Variants in PCDHA1 observed in about 807,000 individuals in gnomAD.
The protein encoded by PCDHA1 is protocadherin alpha-1.
Under a neutral mutation model 61.3 loss-of-function variants are expected in PCDHA1, and 42 were observed. The ratio of observed to expected loss-of-function variants is 0.69; its 90% CI spans 0.54 to 0.89. The LOEUF is 0.89. Ranked by LOEUF, PCDHA1 falls within the 40% of genes least tolerant of loss-of-function variation. The pLI is 0.00. For synonymous variants in PCDHA1, 610 were observed against 553.8 expected (o/e 1.10, Z -1.43); for missense variants, 1,256 against 1,235.3 (o/e 1.02, Z -0.25).
intron 1 of PCDHA1, among the ~76,000 whole-genome samples, chr5:140,911,118 G>A (rs11955654): frequency 0.019 from 2,929 of 152,274 alleles, 39 homozygotes; most frequent in East Asian, 0.055. Flanking sequence ...AGCCATCACT[G>A]TTGCCTCAGG....
At chr5:140,857,215 G>A in intron 1 of PCDHA1, 1 of 1,598,474 alleles carries the variant, frequency 6.3e-7, no homozygotes. Flanking sequence ...GCTCTCTGAC[G>A]CCTCACGTTC....
chr5:140,860,512 T>A (rs1379513509), intron 1 of PCDHA1: 3 of 152,166 alleles, frequency 2.0e-5, no homozygotes, highest in African/African-American at 7.2e-5. Context: ...AAGATAAAAC[T>A]CTTCATGGAA....
At chr5:140,984,453 T>C (rs2097104309) in intron 3 of PCDHA1, among the ~76,000 whole-genome samples, 1 of 152,254 alleles carries the variant, frequency 6.6e-6, no homozygotes, top group South Asian at 2.1e-4. Flanking sequence ...CCTTTCTTAC[T>C]GTCCCAGCCC....
rs2150467909 is a variant in PCDHA1, at chr5:140,850,110, G to A, written c.2394+61426G>A. The A allele has an allele frequency of 3.1e-6, 5 of 1,596,146 alleles. No individual in the cohort carries two copies. The East Asian group carries it at 8.9e-5, about 28-fold the overall frequency. Reference sequence around the variant, plus strand: ...GCTACAGTTCCAGGTGAGCGCGCGCGACGCGGGCGTGCCGCCTCTGGGCAG... The same window carrying A: ...GCTACAGTTCCAGGTGAGCGCGCGCAACGCGGGCGTGCCGCCTCTGGGCAG... On this transcript the variant is annotated intron_variant, in intron 1 of 3. Coordinates refer to ENST00000504120, the MANE Select transcript of PCDHA1 (RefSeq NM_018900.4).
chr5:140,797,529 C>T (rs572407402), intron 1 of PCDHA1: 2 of 785,300 alleles, frequency 2.5e-6, no homozygotes, highest in South Asian at 1.9e-5. Context: ...TTTATTTAAA[C>T]AATCTACATA....
chr5:140,824,401 T>A (rs1459968024), intron 1 of PCDHA1: 3 of 544,498 alleles, frequency 5.5e-6, no homozygotes, highest in Non-Finnish European at 9.7e-6. Context: ...GGATAATAAT[T>A]GTAAGACATA....
At chr5:140,918,186 C>T (rs1177570782) in intron 1 of PCDHA1, among the ~76,000 whole-genome samples, 1 of 151,888 alleles carries the variant, frequency 6.6e-6, no homozygotes, top group Non-Finnish European at 1.5e-5. Flanking sequence ...TTGATTTGGC[C>T]CTCAGCTTGG....
chr5:140,802,914 A>G lies in PCDHA1; in HGVS notation c.2394+14230A>G, dbSNP rs782605739. 24 of 1,613,664 alleles carry G rather than the reference A, an allele frequency of 1.5e-5. No homozygotes were observed. Among genetic ancestry groups the G allele is most frequent in the Admixed American group, 5.0e-5 (3 of 59,988 alleles). Reference sequence around the variant, plus strand: ...ACTGCTGATGCCTCGGGTGGGTGGCATCGGTGGCGCAGTGAGCGAGCTGGT... The same window carrying G: ...ACTGCTGATGCCTCGGGTGGGTGGCGTCGGTGGCGCAGTGAGCGAGCTGGT... On this transcript the variant is annotated intron_variant, in intron 1 of 3. Transcript: ENST00000504120.
chr5:140,854,013 T>A, intron 1 of PCDHA1: 16 of 343,618 alleles, frequency 4.7e-5, no homozygotes, highest in Non-Finnish European at 6.8e-5. Context: ...AAAAAAAAAA[T>A]TAGCCGGGCA....
chr5:140,863,527 G>C, intron 1 of PCDHA1: 1 of 392,272 alleles, frequency 2.5e-6, no homozygotes, highest in Non-Finnish European at 5.0e-6. Context: ...CCATGGTTCA[G>C]ATTTTGGAGA....
chr5:141,000,051 C>T (rs1483967510), intron 3 of PCDHA1, among the ~76,000 whole-genome samples: 3 of 152,100 alleles, frequency 2.0e-5, no homozygotes, highest in African/African-American at 7.2e-5. Flanking sequence ...ACACCACTCT[C>T]CCAGCTGCTC....
At chr5:140,902,509 A>G (rs1242435474) in intron 1 of PCDHA1, among the ~76,000 whole-genome samples, 2 of 152,056 alleles carry the variant, frequency 1.3e-5, no homozygotes, top group Non-Finnish European at 2.9e-5. Context: ...TGAGTCTGTC[A>G]TATATGGTTT....
intron 1 of PCDHA1, chr5:140,796,095 C>A: frequency 6.2e-7 from 1 of 1,614,182 alleles, no homozygotes; most frequent in South Asian, 1.1e-5. Context: ...TGTCGGATCG[C>A]GACTCTGGTA....
intron 1 of PCDHA1, chr5:140,797,267 A>T: frequency 6.2e-7 from 1 of 1,614,194 alleles, no homozygotes; most frequent in Non-Finnish European, 8.5e-7. Context: ...CCCAAGACGG[A>T]CCTCATGGCC....
chr5:140,876,792 A>G (rs782210017), intron 1 of PCDHA1: 98 of 1,613,998 alleles, frequency 6.1e-5, no homozygotes, highest in Non-Finnish European at 7.5e-5. Flanking sequence ...CCACGGCTAG[A>G]GTGTCCGTGG....
At chr5:140,869,669 T>A in intron 1 of PCDHA1, 1 of 1,613,476 alleles carries the variant, frequency 6.2e-7, no homozygotes, top group South Asian at 1.1e-5. Flanking sequence ...GGTAAGCAGA[T>A]TAAAAGACTG....
intron 1 of PCDHA1, chr5:140,861,365 G>T (rs2046879866): frequency 2.8e-6 from 1 of 359,244 alleles, no homozygotes; most frequent in Non-Finnish European, 5.7e-6. Context: ...GCGTCTTCGC[G>T]GTCCCTATTG....
intron 1 of PCDHA1, chr5:140,829,446 C>T (rs2150168086): frequency 3.6e-5 from 58 of 1,613,896 alleles, no homozygotes; most frequent in Non-Finnish European, 4.7e-5. Context: ...AATGACAATG[C>T]TCCGGCGTTC....
At chr5:140,823,384 C>T (rs2150125335) in intron 1 of PCDHA1, 3 of 1,612,824 alleles carry the variant, frequency 1.9e-6, no homozygotes, top group Non-Finnish European at 2.5e-6. Context: ...GGTGAGCGCG[C>T]GCGACGCGGG....
Sources: allele counts gnomAD v4.1 joint callset (sites outside exome capture counted in the v4.1 genomes callset), GRCh38; gene constraint gnomAD v4.1.1; transcripts MANE v1.5; gene names NCBI Gene and HGNC (gene_info 2026-07-23, HGNC 2026-07-21).